Variants in PPP2CB observed in about 807,000 individuals in gnomAD.
PPP2CB encodes the protein serine/threonine-protein phosphatase 2A catalytic subunit beta isoform.
PPP2CB carries 18 observed loss-of-function variants against 39.1 expected under a neutral mutation model. That is an observed-to-expected ratio of 0.46 (90% CI 0.32 to 0.68). PPP2CB has a LOEUF of 0.68. PPP2CB is among the 30% of genes least tolerant of loss of function. PPP2CB has a pLI of 0.04. For missense variants in PPP2CB, 226 were observed against 396.9 expected (o/e 0.57, Z 3.66); for synonymous variants, 129 against 133.8 (o/e 0.96, Z 0.25).
intron 1 of PPP2CB, among the ~76,000 whole-genome samples, chr8:30,801,836 C>T (rs1303263995): frequency 6.6e-6 from 1 of 152,150 alleles, no homozygotes; most frequent in Non-Finnish European, 1.5e-5. Context: ...CCCCAGATTA[C>T]TTTATGCCAA....
intron 6 of PPP2CB, among the ~76,000 whole-genome samples, chr8:30,790,677 C>G (rs1806414936): frequency 6.6e-6 from 1 of 152,206 alleles, no homozygotes; most frequent in African/African-American, 2.4e-5. Flanking sequence ...GCCCCAGGAG[C>G]TGGGGCAGGG....
At chr8:30,796,754 G>T (rs762612014) in intron 3 of PPP2CB, among the ~76,000 whole-genome samples, 3 of 152,148 alleles carry the variant, frequency 2.0e-5, no homozygotes, top group African/African-American at 7.2e-5. Context: ...ATTGAAATAG[G>T]AAATTTGCAT....
chr8:30,796,377 ATATT>A (rs1354861066), intron 3 of PPP2CB, among the ~76,000 whole-genome samples: 1 of 151,992 alleles, frequency 6.6e-6, no homozygotes, highest in Non-Finnish European at 1.5e-5. Context: ...TATATGTTTT[ATATT>A]TATTTATTTT....
At chr8:30,788,888 T>G (rs1420984169) in intron 6 of PPP2CB, among the ~76,000 whole-genome samples, 1 of 152,168 alleles carries the variant, frequency 6.6e-6, no homozygotes, top group Non-Finnish European at 1.5e-5. Flanking sequence ...AATTGGACAT[T>G]ATAGATAACA....
At chr8:30,797,398 G>T (rs1403854436) in intron 3 of PPP2CB, among the ~76,000 whole-genome samples, 183 bp downstream of exon 3, 1 of 152,088 alleles carries the variant, frequency 6.6e-6, no homozygotes, top group Non-Finnish European at 1.5e-5. Context: ...AAAATTTGCT[G>T]GTCCAAATGT....
In PPP2CB at chr8:30,794,044, T is replaced by C; in HGVS notation, c.611A>G (p.Asp204Gly). ...TGAAATACCCCATCCACCACGATCA[T>C]CTGGATCTGACCATAACAGATCACA... ...PMCDLLWSDPDDRGGWGISPR... is the reference protein window; with the variant it reads ...PMCDLLWSDPGDRGGWGISPR... Residue 204 changes from aspartate to glycine, a missense_variant, in exon 5 of 7, where the codon GAT becomes GGT. Around this residue, in one of 4 missense-constraint regions of PPP2CB, gnomAD observed 110 missense variants for 244.1 expected, o/e 0.45. Coordinates refer to ENST00000221138, the MANE Select transcript of PPP2CB (RefSeq NM_001009552.2). 1 of 1,611,678 alleles carries C rather than the reference T, an allele frequency of 6.2e-7. No individual in the cohort carries two copies. Among genetic ancestry groups the C allele is most frequent in the Non-Finnish European group, 8.5e-7 (1 of 1,178,754 alleles).
chr8:30,794,345 T>A, intron 3 of PPP2CB, 64 bp from the exon 4 acceptor site: 1 of 1,340,162 alleles, frequency 7.5e-7, no homozygotes, highest in South Asian at 1.2e-5. Context: ...TAACAAAGAG[T>A]AAATAATGGT....
intron 1 of PPP2CB, among the ~76,000 whole-genome samples, chr8:30,803,128 G>A (rs994998745): frequency 1.3e-5 from 2 of 152,252 alleles, no homozygotes; most frequent in African/African-American, 2.4e-5. Flanking sequence ...TAAATCAGAC[G>A]AACAGTTCCT....
intron 1 of PPP2CB, among the ~76,000 whole-genome samples, chr8:30,805,142 C>T (rs891839126): frequency 6.6e-6 from 1 of 152,196 alleles, no homozygotes; most frequent in Non-Finnish European, 1.5e-5. Context: ...GGAACAAGCG[C>T]CTCTTTTGCT....
intron 1 of PPP2CB, among the ~76,000 whole-genome samples, chr8:30,812,031 A>AG (rs1430225980): frequency 6.6e-6 from 1 of 151,996 alleles, no homozygotes; most frequent in Non-Finnish European, 1.5e-5. Flanking sequence ...TGCTTGGCTC[A>AG]GGGGGCTACG....
intron 1 of PPP2CB, chr8:30,810,185 C>T (rs1169031392): frequency 6.6e-6 from 1 of 152,190 alleles, no homozygotes; most frequent in Non-Finnish European, 1.5e-5. Context: ...GGGCTGTGCA[C>T]GAGGCTCGCG....
chr8:30,804,623 C>A (rs1806687717), intron 1 of PPP2CB, among the ~76,000 whole-genome samples: 1 of 152,102 alleles, frequency 6.6e-6, no homozygotes, highest in Non-Finnish European at 1.5e-5. Flanking sequence ...AATCACTGAA[C>A]CTAAGAGTGG....
chr8:30,809,823 G>A (rs570215593), intron 1 of PPP2CB, among the ~76,000 whole-genome samples: 1 of 152,204 alleles, frequency 6.6e-6, no homozygotes, highest in South Asian at 2.1e-4. Context: ...TGTGGTCCCA[G>A]CTACTTGAGA....
Position 30,786,822 on chromosome 8 carries a change from C to G in PPP2CB, c.858-515G>C, listed in dbSNP as rs144046211. On this transcript the variant is annotated intron_variant, in intron 6 of 6. Coordinates refer to ENST00000221138, the MANE Select transcript of PPP2CB (RefSeq NM_001009552.2). ...GGGACTACAGGAACCCATTACCATG[C>G]CCGGCTAATTTTCTTATTTTTTTTT... Among the ~76,000 whole-genome samples, 4 of 143,660 alleles carry G rather than the reference C, an allele frequency of 2.8e-5. No individual in the cohort carries two copies. The East Asian group carries it at 7.8e-4, about 28-fold the overall frequency. The allele number at this position is 143,660 out of a possible 152,430, so 94.2% of individuals were successfully genotyped here. A position where few individuals can be genotyped will look rare whatever the true frequency, so the allele number is the denominator to read the frequency against.
intron 5 of PPP2CB, among the ~76,000 whole-genome samples, chr8:30,791,790 A>T (rs1806433986): frequency 6.6e-6 from 1 of 151,930 alleles, no homozygotes; most frequent in East Asian, 1.9e-4. Context: ...TAGCTATAGT[A>T]TTATATATAG....
intron 1 of PPP2CB, among the ~76,000 whole-genome samples, chr8:30,806,196 T>G (rs908947433): frequency 1.3e-5 from 2 of 151,464 alleles, no homozygotes; most frequent in African/African-American, 4.8e-5. Flanking sequence ...TACAGGCGCC[T>G]GCCACCACGC....
rs1295421925 is a variant in PPP2CB, at chr8:30,799,649, C to T, written c.209G>A (p.Arg70Lys). 6.2e-7 allele frequency: 1 copy of T among 1,614,034 alleles called. No homozygotes were observed. Among genetic ancestry groups the T allele is most frequent in the South Asian group, 1.1e-5 (1 of 91,086 alleles). Residue 70 changes from arginine (R) to lysine (K), a missense_variant, in exon 2 of 7, where the codon AGA becomes AAA. Around this residue, in one of 4 missense-constraint regions of PPP2CB, gnomAD observed 110 missense variants for 244.1 expected, o/e 0.45. Coordinates refer to ENST00000221138, the MANE Select transcript of PPP2CB (RefSeq NM_001009552.2). Reference protein sequence around the residue: ...GQFHDLMELFRIGGKSPDTNY... With the variant: ...GQFHDLMELFKIGGKSPDTNY... Reference sequence around the variant, plus strand: ...TGTATCCGGTGATTTTCCACCAATTCTAAAGAGTTCCATAAGATCATGAAA... The same window carrying T: ...TGTATCCGGTGATTTTCCACCAATTTTAAAGAGTTCCATAAGATCATGAAA...
Position 30,799,515 on chromosome 8 carries a change from T to C in PPP2CB, c.312+31A>G, listed in dbSNP as rs748670831. 1.9e-6 allele frequency: 3 copies of C among 1,576,314 alleles called. No homozygotes were observed. In the South Asian group the frequency reaches 3.4e-5, roughly 18 times the overall value. On this transcript the variant is annotated intron_variant, in intron 2 of 6. Transcript: ENST00000221138. ...CTTGCCTTTTGCCTGGTTTAAATCT[T>C]GAAAAAAAAATTGAATTTCAATAAT...
chr8:30,810,522 C>G (rs768946816), intron 1 of PPP2CB, among the ~76,000 whole-genome samples: 13 of 152,188 alleles, frequency 8.5e-5, no homozygotes, highest in Non-Finnish European at 1.2e-4. Context: ...CCCATAACTT[C>G]AAGTCTGTAT....
Sources: allele counts gnomAD v4.1 joint callset (sites outside exome capture counted in the v4.1 genomes callset), GRCh38; gene constraint gnomAD v4.1.1; regional missense constraint gnomAD v4.1.1; transcripts MANE v1.5; gene names NCBI Gene and HGNC (gene_info 2026-07-23, HGNC 2026-07-21).